PPP6R2: variants seen among roughly 807,000 people sequenced by gnomAD.
The protein encoded by PPP6R2 is serine/threonine-protein phosphatase 6 regulatory subunit 2.
In PPP6R2, 62 loss-of-function variants were observed where a neutral mutation model predicts 100.2. That is an observed-to-expected ratio of 0.62 (90% CI 0.50 to 0.76). The LOEUF is 0.76. Among genes scored for constraint, PPP6R2 ranks in the 30% least tolerant of loss-of-function variants. PPP6R2 has a pLI of 0.00. For missense variants in PPP6R2, 1,142 were observed against 1,276.3 expected, an observed-to-expected ratio of 0.89 and a Z score of 1.60; for synonymous variants, 525 against 514.7, an observed-to-expected ratio of 1.02 and a Z score of -0.27.
Position 50,405,264 on chromosome 22 carries a change from A to G in PPP6R2, c.228-1425A>G, listed in dbSNP as rs189546828. Among the ~76,000 whole-genome samples the G allele has an allele frequency of 3.5e-3, 498 of 142,866 alleles. 3 individuals carry two copies. The highest frequency in any genetic ancestry group is 0.01 in the African/African-American group (405 of 39,128). 93.7% of individuals were successfully genotyped at this position (142,866 alleles called of 152,430 possible). A position where few individuals can be genotyped will look rare whatever the true frequency, so the allele number is the denominator to read the frequency against. The stretch of plus-strand genomic sequence containing the variant: ...GGAGGTGAGAGGCCTGGAGGGAGGC[A>G]AGAGGCCTGGCAGGCGAGTGCGAAG... On this transcript the variant is annotated intron_variant, in intron 3 of 23. Coordinates refer to ENST00000612753, the MANE Select transcript of PPP6R2 (RefSeq NM_001242898.2).
intron 17 of PPP6R2, 70 bp from the exon 18 acceptor site, chr22:50,438,104 C>G (rs546574353): frequency 5.0e-5 from 78 of 1,556,670 alleles, no homozygotes; most frequent in Non-Finnish European, 5.9e-5. Context: ...CCTCTGGGAG[C>G]TCTATGGGGA....
intron 1 of PPP6R2, among the ~76,000 whole-genome samples, chr22:50,368,814 C>T (rs184297382): frequency 1.3e-5 from 2 of 151,260 alleles, no homozygotes; most frequent in Admixed American, 1.3e-4. Flanking sequence ...TGCACCACCA[C>T]ACCTGGCTAA....
chr22:50,353,529 A>G (rs1012779456), intron 1 of PPP6R2, among the ~76,000 whole-genome samples: 2 of 152,204 alleles, frequency 1.3e-5, no homozygotes, highest in African/African-American at 4.8e-5. Context: ...TAAAATAATA[A>G]TGAAAGAGTT....
Position 50,423,040 on chromosome 22 carries a change from A to G in PPP6R2, c.973-422A>G, listed in dbSNP as rs564878036. Among the ~76,000 whole-genome samples, 2 of 152,192 alleles carry G rather than the reference A, an allele frequency of 1.3e-5. No homozygotes were observed. Among genetic ancestry groups the G allele is most frequent in the South Asian group, 4.1e-4 (2 of 4,826 alleles). Reference sequence around the variant, plus strand: ...GGAGGCATTCCCGTCAGTGTCCCCAAAGTGTGTTCATGGGACACTTGTTAG... The same window carrying G: ...GGAGGCATTCCCGTCAGTGTCCCCAGAGTGTGTTCATGGGACACTTGTTAG... On this transcript the variant is annotated intron_variant, in intron 9 of 23. Transcript: ENST00000612753. This position sits in a 1 kb window ranked among gnomAD's most constrained non-coding sequence, Gnocchi z 4.8.
chr22:50,339,950 AGTGTGTGTGTGTTGTGTG>A (rs1293533460), upstream of PPP6R2, among the ~76,000 whole-genome samples: 8 of 39,340 alleles, frequency 2.0e-4, no homozygotes, highest in Admixed American at 3.0e-4. Flanking sequence ...TGTGTTATGT[AGTGTGTGTGTGTTGTGTG>A]GTGTGTGTGG....
At chr22:50,397,623 GC>G (rs1211222221) in intron 3 of PPP6R2, among the ~76,000 whole-genome samples, 2 of 127,370 alleles carry the variant, frequency 1.6e-5, no homozygotes, top group South Asian at 2.7e-4. Flanking sequence ...GGGCAGGGGG[GC>G]CTGTCCTCAC....
At chr22:50,383,762 C>A (rs12162833) in intron 2 of PPP6R2, among the ~76,000 whole-genome samples, 2 of 152,192 alleles carry the variant, frequency 1.3e-5, no homozygotes, top group African/African-American at 4.8e-5. Context: ...TGAGGCCAGG[C>A]GCAGTGGCTC....
chr22:50,355,015 T>TTTC (rs2046157592), intron 1 of PPP6R2, among the ~76,000 whole-genome samples: 9 of 151,624 alleles, frequency 5.9e-5, no homozygotes, highest in Admixed American at 1.3e-4. Flanking sequence ...GGCTAATTTT[T>TTTC]TATTTTTTGT....
At chr22:50,429,832 A>C (rs2062818417) in intron 10 of PPP6R2, among the ~76,000 whole-genome samples, 1 of 152,216 alleles carries the variant, frequency 6.6e-6, no homozygotes, top group South Asian at 2.1e-4. Context: ...GTGACACAGG[A>C]AAGCCTCCTC....
chr22:50,379,124 T>G (rs1294619814), intron 2 of PPP6R2, among the ~76,000 whole-genome samples: 1 of 152,150 alleles, frequency 6.6e-6, no homozygotes, highest in Non-Finnish European at 1.5e-5. Context: ...TTTCTGTTGT[T>G]TATAAATTAC....
At chr22:50,330,954 C>T in the PPP6R2 span, among the ~76,000 whole-genome samples, 1 of 152,036 alleles carries the variant, frequency 6.6e-6, no homozygotes, top group African/African-American at 2.4e-5. Context: ...GATTTTCGTC[C>T]CATAAGACTC....
At position 50,440,963 on chromosome 22, in the gene PPP6R2, G is replaced by C. The variant is rs779375952; in HGVS notation, c.2516G>C (p.Arg839Thr). The change falls in exon 22 of 24, where the codon AGG becomes ACG. Residue 839 changes from arginine to threonine, a missense_variant. Arg to Thr is a moderately conservative substitution (Grantham distance 71, BLOSUM62 -1). Coordinates refer to ENST00000612753, the MANE Select transcript of PPP6R2 (RefSeq NM_001242898.2). ...KAASAMDAVSRGPGREAPPLP... is the reference protein window; with the variant it reads ...KAASAMDAVSTGPGREAPPLP... ...GCGAGTGCCATGGATGCGGTGAGCA[G>C]GGGTCCCGGCCGGGAGGCCCCCCCG... 6.2e-7 allele frequency: 1 copy of C among 1,612,696 alleles called. No homozygotes were observed. Among genetic ancestry groups the C allele is most frequent in the Non-Finnish European group, 8.5e-7 (1 of 1,179,458 alleles).
intron 13 of PPP6R2, among the ~76,000 whole-genome samples, chr22:50,435,590 G>A (rs529055787): frequency 1.0e-3 from 156 of 152,294 alleles, no homozygotes; most frequent in African/African-American, 3.4e-3. Context: ...TGGCAGAGGC[G>A]GGCCCAGCTG....
At chr22:50,437,244 C>T (rs1209214703) in intron 15 of PPP6R2, among the ~76,000 whole-genome samples, 176 bp downstream of exon 15, 2 of 152,210 alleles carry the variant, frequency 1.3e-5, no homozygotes, top group African/African-American at 4.8e-5. Flanking sequence ...AGTCACTCCA[C>T]CTTGATGAGA....
At chr22:50,350,418 A>G (rs1280677441) in intron 1 of PPP6R2, among the ~76,000 whole-genome samples, 1 of 151,246 alleles carries the variant, frequency 6.6e-6, no homozygotes, top group African/African-American at 2.4e-5. Context: ...TTCTATAAAG[A>G]TGGGATTTCA....
the PPP6R2 span, among the ~76,000 whole-genome samples, chr22:50,333,268 G>C: frequency 2.0e-3 from 299 of 150,970 alleles, 4 homozygotes; most frequent in East Asian, 3.9e-3. Flanking sequence ...ATTCTGTCCT[G>C]TCTTCATTAT....
intron 4 of PPP6R2, among the ~76,000 whole-genome samples, chr22:50,411,518 C>G (rs972823606): frequency 2.0e-5 from 3 of 152,144 alleles, no homozygotes; most frequent in Admixed American, 1.3e-4. Flanking sequence ...TTTGGGAGGC[C>G]AAGGCAAGCG....
intron 9 of PPP6R2, 46 bp downstream of exon 9, chr22:50,422,426 G>A: frequency 6.2e-7 from 1 of 1,602,772 alleles, no homozygotes; most frequent in African/African-American, 1.3e-5. Context: ...GGCGTCGCAG[G>A]AGAGGTTGAT....
At chr22:50,419,325 G>C (rs2060990761) in intron 7 of PPP6R2, 24 bp from the exon 8 acceptor site, 1 of 1,599,224 alleles carries the variant, frequency 6.3e-7, no homozygotes. Flanking sequence ...CTGCCAGGCA[G>C]TGACCTCTGT....
Sources: allele counts gnomAD v4.1 joint callset (sites outside exome capture counted in the v4.1 genomes callset), GRCh38; gene constraint gnomAD v4.1.1; non-coding constraint Gnocchi (gnomAD v3.1); transcripts MANE v1.5; gene names NCBI Gene and HGNC (gene_info 2026-07-23, HGNC 2026-07-21).